MYO5C: variants seen among roughly 807,000 people sequenced by gnomAD.
The protein encoded by MYO5C is unconventional myosin-Vc.
Under a neutral mutation model 235.7 loss-of-function variants are expected in MYO5C, and 194 were observed. The observed-to-expected ratio is 0.82, with a 90% confidence interval of 0.73 to 0.93. The LOEUF (loss-of-function observed/expected upper bound fraction) is 0.93, where lower values mean the gene tolerates loss of function less well. Ranked by LOEUF, MYO5C falls within the 40% of genes least tolerant of loss-of-function variation. The probability of loss-of-function intolerance (pLI) is 0.00; values close to 1 mark genes in which losing one functional copy is unlikely to be tolerated. For synonymous variants in MYO5C, 707 were observed against 754.8 expected (o/e 0.94, Z 1.04); for missense variants, 2,038 against 2,127.2 (o/e 0.96, Z 0.82).
At chr15:52,265,765 A>G (rs566715934) in intron 8 of MYO5C, among the ~76,000 whole-genome samples, 10 of 152,258 alleles carry the variant, frequency 6.6e-5, no homozygotes, top group Non-Finnish European at 1.3e-4. Context: ...GCCTGGGCTC[A>G]AGTGGTCCAC....
intron 8 of MYO5C, among the ~76,000 whole-genome samples, chr15:52,269,030 C>A (rs1233920571): frequency 1.3e-5 from 2 of 152,296 alleles, no homozygotes; most frequent in East Asian, 3.9e-4. Flanking sequence ...TAGGATGGTG[C>A]CCAGCACATT....
intron 13 of MYO5C, among the ~76,000 whole-genome samples, chr15:52,250,250 T>C (rs1163238537): frequency 9.2e-6 from 1 of 108,590 alleles, no homozygotes; most frequent in Non-Finnish European, 1.9e-5. Flanking sequence ...TTCTTTTTCT[T>C]TTTTTTTTTT....
At chr15:52,282,663 T>C (rs2037183150) in intron 2 of MYO5C, 119 bp downstream of exon 2, 1 of 695,606 alleles carries the variant, frequency 1.4e-6, no homozygotes, top group Admixed American at 2.1e-5. Context: ...ATGGTGCTGG[T>C]GCCCACTCGT....
At chr15:52,205,494 C>T (rs1596137185) in intron 37 of MYO5C, 2 of 322,746 alleles carry the variant, frequency 6.2e-6, no homozygotes, top group South Asian at 7.6e-5. Context: ...TACAAGAATT[C>T]GAATGGGGCT....
At chr15:52,240,482 G>A (rs762557376) in intron 20 of MYO5C, among the ~76,000 whole-genome samples, 41 of 137,980 alleles carry the variant, frequency 3.0e-4, no homozygotes, top group Non-Finnish European at 4.6e-4. Flanking sequence ...GAGGCATGAG[G>A]ATCCCTTTAG....
Position 52,279,804 on chromosome 15 carries a change from T to C in MYO5C, c.139-130A>G, listed in dbSNP as rs570855838. ...TGACATTAAAAAGCAAATGTACTTA[T>C]AGCAACAAGAAAATCTTCACAGCTG... On this transcript the variant is annotated intron_variant, in intron 2 of 40. Coordinates refer to ENST00000261839, the MANE Select transcript of MYO5C (RefSeq NM_018728.4). 2.5e-3 allele frequency: 2,107 copies of C among 854,622 alleles called. 3 individuals are homozygous for C. The highest frequency in any genetic ancestry group is 3.4e-3 in the Non-Finnish European group (1,956 of 571,622). The allele number at this position is 854,622 out of a possible 1,614,324, so 52.9% of individuals were successfully genotyped here. A position where few individuals can be genotyped will look rare whatever the true frequency, so the allele number is the denominator to read the frequency against.
At chr15:52,208,791 G>GT in intron 35 of MYO5C, 148 bp from the exon 36 acceptor site, 2 of 589,592 alleles carry the variant, frequency 3.4e-6, no homozygotes, top group South Asian at 4.5e-5. Flanking sequence ...ATACTTATAA[G>GT]AACTTATATT....
In MYO5C at chr15:52,205,806, C is replaced by G. The variant is rs768779201; in HGVS notation, c.4537+10G>C. 3 of 1,508,730 alleles carry G rather than the reference C, an allele frequency of 2.0e-6. No individual in the cohort carries two copies. The highest frequency in any genetic ancestry group is 2.0e-5 in the Admixed American group (1 of 49,486). The allele number at this position is 1,508,730 out of a possible 1,614,324, so 93.5% of individuals were successfully genotyped here. On this transcript the variant is annotated intron_variant, in intron 37 of 40. Transcript: ENST00000261839. ...TATAAATATTTTTTGGTCATCCATT[C>G]TCTTCTTACCTATTATCGGTTGGAT...
rs1313014999 is a variant in MYO5C, at chr15:52,193,815, A to C, written c.*87T>G. ...GTTTTCTTCCTTAAATCACATTCCA[A>C]TTTCCACTGCCAATTAATAAAACAC... On this transcript the variant is annotated 3_prime_UTR_variant, in exon 41 of 41. Transcript: ENST00000261839. The C allele has an allele frequency of 7.0e-7, 1 of 1,436,116 alleles. No homozygotes were observed. 89.0% of individuals were successfully genotyped at this position (1,436,116 alleles called of 1,614,324 possible). A position where few individuals can be genotyped will look rare whatever the true frequency, so the allele number is the denominator to read the frequency against.
At chr15:52,284,278 C>T (rs59056894) in intron 1 of MYO5C, among the ~76,000 whole-genome samples, 2,072 of 151,986 alleles carry the variant, frequency 0.014, 71 homozygotes, top group South Asian at 0.13. Context: ...GAATGAACTA[C>T]TGATGTAAGC....
At chr15:52,194,610 A>G (rs183856004) in intron 40 of MYO5C, among the ~76,000 whole-genome samples, 12 of 152,248 alleles carry the variant, frequency 7.9e-5, no homozygotes, top group Non-Finnish European at 1.3e-4. Context: ...TAAGCTCTAC[A>G]CATGTTAAAC....
At chr15:52,198,260 G>A (rs1443634567) in intron 38 of MYO5C, among the ~76,000 whole-genome samples, 2 of 152,120 alleles carry the variant, frequency 1.3e-5, no homozygotes, top group South Asian at 2.1e-4. Flanking sequence ...ACTTGAACCC[G>A]GGAGGCGGAG....
intron 1 of MYO5C, among the ~76,000 whole-genome samples, chr15:52,286,690 A>G (rs1035480357): frequency 9.2e-5 from 14 of 152,118 alleles, no homozygotes; most frequent in Non-Finnish European, 1.6e-4. Flanking sequence ...TCAGGGTTAA[A>G]TGGATTAAGG....
intron 12 of MYO5C, among the ~76,000 whole-genome samples, chr15:52,251,896 C>G (rs2036481128): frequency 6.6e-6 from 1 of 152,084 alleles, no homozygotes; most frequent in South Asian, 2.1e-4. Context: ...AACTCCTAAC[C>G]TCAGGTGATC....
intron 38 of MYO5C, among the ~76,000 whole-genome samples, chr15:52,196,904 G>A (rs959481975): frequency 6.6e-6 from 1 of 152,136 alleles, no homozygotes; most frequent in Non-Finnish European, 1.5e-5. Flanking sequence ...TCTTATTTCT[G>A]TCACTAATTG....
chr15:52,204,735 T>C (rs2035262159), intron 38 of MYO5C, 130 bp downstream of exon 38: 1 of 1,119,464 alleles, frequency 8.9e-7, no homozygotes, highest in Non-Finnish European at 1.2e-6. Context: ...GACTCGAATA[T>C]CCCTACAGCA....
rs1161049798 is a variant in MYO5C, at chr15:52,218,460, C to T, written c.3954+59G>A. 1.3e-5 allele frequency: 20 copies of T among 1,522,254 alleles called. No homozygotes were observed. In the Middle Eastern group the frequency reaches 5.1e-4, roughly 39 times the overall value. 94.3% of individuals were successfully genotyped at this position (1,522,254 alleles called of 1,614,324 possible). A position where few individuals can be genotyped will look rare whatever the true frequency, so the allele number is the denominator to read the frequency against. On this transcript the variant is annotated intron_variant, in intron 32 of 40. Coordinates refer to ENST00000261839, the MANE Select transcript of MYO5C (RefSeq NM_018728.4). The stretch of plus-strand genomic sequence containing the variant: ...TCATATGCTTTAGGTGGCATGTCCC[C>T]CCTTTCAGCAACATCTGCACACAGA...
rs75367856 is a variant in MYO5C at position 52,201,680 on chromosome 15, T to C, written c.4820+3185A>G. 4.0e-3 allele frequency among the ~76,000 whole-genome samples: 606 copies of C among 152,220 alleles called. 10 individuals carry two copies. The East Asian group carries it at 0.04, about 10-fold the overall frequency. On this transcript the variant is annotated intron_variant, in intron 38 of 40. Coordinates refer to ENST00000261839, the MANE Select transcript of MYO5C (RefSeq NM_018728.4). ...TCTTATTGAGTTCTTTAAAATATGT[T>C]TGATGGTTGAAAACTAAAATTATAA...
Position 52,256,636 on chromosome 15 carries a change from T to C in MYO5C, c.1395+3A>G. 2.7e-6 allele frequency: 4 copies of C among 1,504,582 alleles called. No homozygotes were observed. Among genetic ancestry groups the C allele is most frequent in the Non-Finnish European group, 3.6e-6 (4 of 1,101,652 alleles). The allele number at this position is 1,504,582 out of a possible 1,614,324, so 93.2% of individuals were successfully genotyped here. On this transcript the variant is annotated splice_donor_region_variant and intron_variant, in intron 11 of 40. Coordinates refer to ENST00000261839, the MANE Select transcript of MYO5C (RefSeq NM_018728.4). ...TAGTCAAGAAGGCAGAAAGGTCACC[T>C]ACCATGTTAAACTGTTGTTGCAGTT...
Sources: allele counts gnomAD v4.1 joint callset (sites outside exome capture counted in the v4.1 genomes callset), GRCh38; gene constraint gnomAD v4.1.1; transcripts MANE v1.5; gene names NCBI Gene and HGNC (gene_info 2026-07-23, HGNC 2026-07-21).